Variants in DCLK3 observed in about 807,000 individuals in gnomAD.
The protein encoded by DCLK3 is serine/threonine-protein kinase DCLK3.
Under a neutral mutation model 46.4 loss-of-function variants are expected in DCLK3, and 30 were observed. That is an observed-to-expected ratio of 0.65 (90% CI 0.48 to 0.88). DCLK3 has a LOEUF of 0.88. DCLK3 is among the 40% of genes least tolerant of loss of function. The probability of loss-of-function intolerance (pLI) is 0.00; values close to 1 mark genes in which losing one functional copy is unlikely to be tolerated. For synonymous variants in DCLK3, 401 were observed against 339.2 expected (o/e 1.18, Z -2.00); for missense variants, 846 against 907.1 (o/e 0.93, Z 0.87).
intron 1 of DCLK3, among the ~76,000 whole-genome samples, chr3:36,762,840 C>T (rs182166747): frequency 2.0e-4 from 30 of 152,284 alleles, no homozygotes; most frequent in African/African-American, 7.0e-4. Context: ...TTTCAGAAAA[C>T]ACTTTCTGCC....
Position 36,738,409 on chromosome 3 carries a change from GA to G in DCLK3, c.757del (p.Ser253HisfsTer2). On this transcript the variant is annotated frameshift_variant, in exon 2 of 5. Coordinates refer to ENST00000636136, the MANE Select transcript of DCLK3 (RefSeq NM_001394672.2). LOFTEE classifies it high-confidence loss of function. ...CTGGGTCCTCGCTCTGTCATCTAGT[GA>G]AAGCTCCTCGGGGATCTTCCCCTGG... ...RHQGKIPEEL[S>X]LDDRARTQKK... 2 of 1,481,108 alleles carry G rather than the reference GA, an allele frequency of 1.4e-6. No homozygotes were observed. The highest frequency in any genetic ancestry group is 1.8e-6 in the Non-Finnish European group (2 of 1,117,818). The allele number at this position is 1,481,108 out of a possible 1,614,324, so 91.7% of individuals were successfully genotyped here. A position where few individuals can be genotyped will look rare whatever the true frequency, so the allele number is the denominator to read the frequency against.
At chr3:36,753,084 C>G (rs1158848869) in intron 1 of DCLK3, among the ~76,000 whole-genome samples, 3 of 152,080 alleles carry the variant, frequency 2.0e-5, no homozygotes, top group African/African-American at 4.8e-5. Context: ...AAGGATATGA[C>G]TATTACTGGC....
At chr3:36,759,016 G>T (rs1404060089) in intron 1 of DCLK3, among the ~76,000 whole-genome samples, 1 of 152,120 alleles carries the variant, frequency 6.6e-6, no homozygotes, top group African/African-American at 2.4e-5. Context: ...TATTTGTTTT[G>T]GTTATGTGGT....
intron 2 of DCLK3, among the ~76,000 whole-genome samples, chr3:36,724,381 T>C (rs111511043): frequency 6.6e-6 from 1 of 152,212 alleles, no homozygotes; most frequent in Non-Finnish European, 1.5e-5. Context: ...TGGGGAACTA[T>C]TGAGAAGACA....
At chr3:36,722,220 G>A (rs1306474932) in intron 2 of DCLK3, among the ~76,000 whole-genome samples, 3 of 152,078 alleles carry the variant, frequency 2.0e-5, no homozygotes, top group Non-Finnish European at 4.4e-5. Context: ...GGGGTGAGGG[G>A]GAGATAGGGA....
At chr3:36,721,462 T>C in intron 3 of DCLK3, 65 bp downstream of exon 3, 1 of 1,573,802 alleles carries the variant, frequency 6.4e-7, no homozygotes. Flanking sequence ...AACTAGTAAA[T>C]ATGACAAATG....
rs1178054243 is a variant in DCLK3 at position 36,712,550 on chromosome 3, C to T, written c.*2778G>A. 3 of 152,098 alleles carry T rather than the reference C, an allele frequency of 2.0e-5. No homozygotes were observed. The highest frequency in any genetic ancestry group is 6.6e-5 in the Admixed American group (1 of 15,258). 9.4% of individuals were successfully genotyped at this position (152,098 alleles called of 1,614,324 possible). A position where few individuals can be genotyped will look rare whatever the true frequency, so the allele number is the denominator to read the frequency against. Reference sequence around the variant, plus strand: ...ATTATTACATTCAAGAAAATGAACACGTCCCTCTTCCCCAAAGTTACCAAG... The same window carrying T: ...ATTATTACATTCAAGAAAATGAACATGTCCCTCTTCCCCAAAGTTACCAAG... On this transcript the variant is annotated 3_prime_UTR_variant, in exon 5 of 5. Coordinates refer to ENST00000636136, the MANE Select transcript of DCLK3 (RefSeq NM_001394672.2).
At chr3:36,751,086 A>AAAAAAAAAAAT (rs1559394270) in intron 1 of DCLK3, among the ~76,000 whole-genome samples, 2 of 149,948 alleles carry the variant, frequency 1.3e-5, no homozygotes, top group African/African-American at 4.9e-5. Flanking sequence ...AAAAAAAAAA[A>AAAAAAAAAAAT]CTCCCCGAAG....
At chr3:36,740,833 A>T (rs977233934) in intron 1 of DCLK3, among the ~76,000 whole-genome samples, 1 of 152,242 alleles carries the variant, frequency 6.6e-6, no homozygotes, top group Non-Finnish European at 1.5e-5. Context: ...ATTTAAAATA[A>T]TCATTTATAC....
At position 36,738,706 on chromosome 3, in the gene DCLK3, A is replaced by G. The variant is rs974976272; in HGVS notation, c.461T>C (p.Ile154Thr). ...CCTGAAGAAATCAGAGACGCTCCTGATTTCCCTGCCCTTGAGGTTAAACAG... is the reference window on the plus strand; with the variant it reads ...CCTGAAGAAATCAGAGACGCTCCTGGTTTCCCTGCCCTTGAGGTTAAACAG... ...RKLFNLKGRE[I>T]RSVSDFFREG... Residue 154 changes from isoleucine to threonine, a missense_variant, in exon 2 of 5, where the codon ATC becomes ACC. By Grantham distance (89) the Ile-to-Thr change is moderately conservative. Transcript: ENST00000636136. The G allele has an allele frequency of 1.1e-5, 15 of 1,321,452 alleles. No individual in the cohort carries two copies. Among genetic ancestry groups the G allele is most frequent in the Non-Finnish European group, 1.5e-5 (15 of 1,028,432 alleles). 81.9% of individuals were successfully genotyped at this position (1,321,452 alleles called of 1,614,324 possible).
intron 1 of DCLK3, among the ~76,000 whole-genome samples, chr3:36,755,041 T>C (rs1489538579): frequency 6.6e-6 from 1 of 152,098 alleles, no homozygotes; most frequent in Non-Finnish European, 1.5e-5. Flanking sequence ...GAAAAACACA[T>C]GAAAAAATTT....
At chr3:36,728,150 T>C (rs998338806) in intron 2 of DCLK3, among the ~76,000 whole-genome samples, 5 of 152,218 alleles carry the variant, frequency 3.3e-5, no homozygotes, top group African/African-American at 1.2e-4. Context: ...TTCACCCCTA[T>C]GTTGATTCAG....
At chr3:36,757,683 G>A (rs562435613) in intron 1 of DCLK3, among the ~76,000 whole-genome samples, 1 of 152,298 alleles carries the variant, frequency 6.6e-6, no homozygotes, top group South Asian at 2.1e-4. Flanking sequence ...AGTCACATCA[G>A]TGAGAAAAGA....
intron 2 of DCLK3, among the ~76,000 whole-genome samples, chr3:36,729,969 G>C (rs1435135637): frequency 6.6e-6 from 1 of 152,164 alleles, no homozygotes; most frequent in Non-Finnish European, 1.5e-5. Flanking sequence ...TTGAGTCCAG[G>C]AGTTTGAAGT....
chr3:36,730,284 A>G (rs1490107661), intron 2 of DCLK3, among the ~76,000 whole-genome samples: 1 of 152,092 alleles, frequency 6.6e-6, no homozygotes, highest in Non-Finnish European at 1.5e-5. Context: ...ATCAGTGAGG[A>G]CAAAGTCTTC....
At position 36,739,266 on chromosome 3, in the gene DCLK3, C is replaced by G. The variant is rs146728600; in HGVS notation, c.83-182G>C. Among the ~76,000 whole-genome samples, 751 of 152,316 alleles carry G rather than the reference C, an allele frequency of 4.9e-3. 6 individuals carry two copies. Among genetic ancestry groups the G allele is most frequent in the East Asian group, 0.015 (80 of 5,184 alleles). ...GGTCTAATTCCCAGTCTCCTCTACACCAGGAGTGCAGAACAGAGTAAGCAT... is the reference window on the plus strand; with the variant it reads ...GGTCTAATTCCCAGTCTCCTCTACAGCAGGAGTGCAGAACAGAGTAAGCAT... On this transcript the variant is annotated intron_variant, in intron 1 of 4. Transcript: ENST00000636136.
At position 36,720,245 on chromosome 3, in the gene DCLK3, G is replaced by T. The variant is rs561735329; in HGVS notation, c.2092+1282C>A. ...CCACCATGTAACATGCCGGTTCCCT[G>T]TCACCTTCCACCATGAGTGTAAGCT... On this transcript the variant is annotated intron_variant, in intron 3 of 4. Coordinates refer to ENST00000636136, the MANE Select transcript of DCLK3 (RefSeq NM_001394672.2). 7.9e-5 allele frequency among the ~76,000 whole-genome samples: 12 copies of T among 152,276 alleles called. No homozygotes were observed. In the South Asian group the frequency reaches 2.5e-3, roughly 32 times the overall value.
chr3:36,763,253 G>A (rs1701554772), intron 1 of DCLK3, among the ~76,000 whole-genome samples: 1 of 152,218 alleles, frequency 6.6e-6, no homozygotes, highest in Non-Finnish European at 1.5e-5. Context: ...CTAGGAGGGG[G>A]TGAGGTGGAG....
chr3:36,742,605 T>A (rs928852760), intron 1 of DCLK3, among the ~76,000 whole-genome samples: 1 of 152,214 alleles, frequency 6.6e-6, no homozygotes, highest in Non-Finnish European at 1.5e-5. Flanking sequence ...TGGGTCCTAC[T>A]GAAATTGCAC....
Sources: gnomAD v4.1 joint callset for allele counts (sites outside exome capture counted in the v4.1 genomes callset) on GRCh38, gnomAD v4.1.1 for gene constraint, MANE v1.5 for transcripts, NCBI Gene and HGNC (gene_info 2026-07-23, HGNC 2026-07-21) for gene names.